ZCWPW2: variants seen among roughly 807,000 people sequenced by gnomAD.
The protein encoded by ZCWPW2 is zinc finger CW-type and PWWP domain containing 2, also known as zinc finger CW-type PWWP domain protein 2.
In ZCWPW2, 45 loss-of-function variants were observed where a neutral mutation model predicts 46.6. The ratio of observed to expected loss-of-function variants is 0.96; its 90% CI spans 0.76 to 1.24. The LOEUF is 1.24. Among genes scored for constraint, ZCWPW2 ranks in the 50% most tolerant of loss-of-function variants. The probability of loss-of-function intolerance (pLI) is 0.00; values close to 1 mark genes in which losing one functional copy is unlikely to be tolerated. For missense variants in ZCWPW2, 429 were observed against 403.9 expected, an observed-to-expected ratio of 1.06 and a Z score of -0.53; for synonymous variants, 152 against 137.1, an observed-to-expected ratio of 1.11 and a Z score of -0.76.
At chr3:28,496,974 A>C (rs1338804213) in intron 6 of ZCWPW2, among the ~76,000 whole-genome samples, 18 of 150,644 alleles carry the variant, frequency 1.2e-4, no homozygotes, top group Non-Finnish European at 5.9e-5. Context: ...GTTTATTTAT[A>C]TAAATACGTA....
At chr3:28,513,846 G>C (rs984762098) in intron 6 of ZCWPW2, among the ~76,000 whole-genome samples, 1 of 151,882 alleles carries the variant, frequency 6.6e-6, no homozygotes, top group South Asian at 2.1e-4. Context: ...TGGGAGGTAG[G>C]CATCCAAATC....
At chr3:28,498,083 T>C (rs1214829939) in intron 6 of ZCWPW2, among the ~76,000 whole-genome samples, 1 of 152,040 alleles carries the variant, frequency 6.6e-6, no homozygotes, top group African/African-American at 2.4e-5. Context: ...TTAATAGATA[T>C]AATAAATATC....
chr3:28,421,243 T>C lies in ZCWPW2; in HGVS notation c.332+7843T>C, dbSNP rs1220704758. Among the ~76,000 whole-genome samples, 4 of 152,138 alleles carry C rather than the reference T, an allele frequency of 2.6e-5. No homozygotes were observed. The East Asian group carries it at 7.8e-4, about 29-fold the overall frequency. On this transcript the variant is annotated intron_variant, in intron 3 of 9. Coordinates refer to ENST00000383768, the MANE Select transcript of ZCWPW2 (RefSeq NM_001040432.4). ...CACTCACAACTCTAGGTAGTAGGGG[T>C]AGGATGACCTTTTTATTGTTGCCAG... is the stretch of plus-strand genomic sequence containing the variant.
intron 3 of ZCWPW2, among the ~76,000 whole-genome samples, chr3:28,427,462 G>T (rs1697065014): frequency 6.6e-6 from 1 of 152,162 alleles, no homozygotes; most frequent in African/African-American, 2.4e-5. Context: ...CTGAGTCAGA[G>T]AATTTCCCTC....
At chr3:28,420,073 A>AT (rs564766331) in intron 3 of ZCWPW2, among the ~76,000 whole-genome samples, 214 of 141,040 alleles carry the variant, frequency 1.5e-3, no homozygotes, top group African/African-American at 4.7e-3. Context: ...CGAAAGTATA[A>AT]TTAAAAAAAA....
At chr3:28,370,246 G>A (rs928519932) in intron 1 of ZCWPW2, among the ~76,000 whole-genome samples, 9 of 152,150 alleles carry the variant, frequency 5.9e-5, no homozygotes, top group East Asian at 1.9e-4. Flanking sequence ...CTTCTGCATC[G>A]CTCACGCTGG....
intron 4 of ZCWPW2, among the ~76,000 whole-genome samples, chr3:28,462,629 A>T (rs1346489482): frequency 6.6e-6 from 1 of 152,198 alleles, no homozygotes; most frequent in East Asian, 1.9e-4. Context: ...CAAGTTTGAA[A>T]ATTAAGATTT....
Position 28,406,524 on chromosome 3 carries a change from A to C in ZCWPW2, c.-13-6532A>C, listed in dbSNP as rs144874136. On this transcript the variant is annotated intron_variant, in intron 2 of 9. Coordinates refer to ENST00000383768, the MANE Select transcript of ZCWPW2 (RefSeq NM_001040432.4). ...ACAACTACATCATGACTTTGAGAGGATATTGACTGGAAGATACAGTGTGGT... is the reference window on the plus strand; with the variant it reads ...ACAACTACATCATGACTTTGAGAGGCTATTGACTGGAAGATACAGTGTGGT... Among the ~76,000 whole-genome samples the C allele has an allele frequency of 1.1e-3, 160 of 152,264 alleles. 1 individual carries two copies. The East Asian group carries it at 0.018, about 17-fold the overall frequency.
intron 6 of ZCWPW2, among the ~76,000 whole-genome samples, chr3:28,494,830 T>G (rs1184601492): frequency 7.3e-6 from 1 of 137,720 alleles, no homozygotes; most frequent in African/African-American, 2.7e-5. Flanking sequence ...CATTCACAAT[T>G]GCTTCAAAGA....
At chr3:28,367,008 T>G (rs547625703) in intron 1 of ZCWPW2, among the ~76,000 whole-genome samples, 1 of 152,300 alleles carries the variant, frequency 6.6e-6, no homozygotes, top group Non-Finnish European at 1.5e-5. Context: ...TAACATTTTT[T>G]ATTGTTTCTA....
At chr3:28,417,116 AAAG>A (rs1210863378) in intron 3 of ZCWPW2, among the ~76,000 whole-genome samples, 1 of 150,904 alleles carries the variant, frequency 6.6e-6, no homozygotes, top group African/African-American at 2.4e-5. Flanking sequence ...GAAGACTAAT[AAAG>A]AAGAAAAGAC....
chr3:28,401,282 A>G (rs1235944777), intron 2 of ZCWPW2, among the ~76,000 whole-genome samples: 3 of 152,320 alleles, frequency 2.0e-5, no homozygotes, highest in East Asian at 1.9e-4. Flanking sequence ...GAATACTAAC[A>G]TTGAATGTAA....
intron 1 of ZCWPW2, among the ~76,000 whole-genome samples, chr3:28,362,706 A>G (rs1273278839): frequency 6.6e-6 from 1 of 152,176 alleles, no homozygotes; most frequent in Non-Finnish European, 1.5e-5. Context: ...TGTTTAACCT[A>G]GCAATCTCAT....
In ZCWPW2 at chr3:28,484,214, A is replaced by G. The variant is rs969280593; in HGVS notation, c.610+5283A>G. ...TTTTCTGTGATCTGCTTACATGGTCATGTGATTTTTCTTCTTTATGCTGTT... is the reference window on the plus strand; with the variant it reads ...TTTTCTGTGATCTGCTTACATGGTCGTGTGATTTTTCTTCTTTATGCTGTT... On this transcript the variant is annotated intron_variant, in intron 5 of 9. Transcript: ENST00000383768. Among the ~76,000 whole-genome samples the G allele has an allele frequency of 2.0e-5, 3 of 151,050 alleles. No homozygotes were observed. In the East Asian group the frequency reaches 5.8e-4, roughly 29 times the overall value.
intron 4 of ZCWPW2, among the ~76,000 whole-genome samples, chr3:28,451,952 C>T (rs1217331233): frequency 6.6e-6 from 1 of 152,218 alleles, no homozygotes; most frequent in African/African-American, 2.4e-5. Flanking sequence ...CCATAGTTGG[C>T]ATAAAATTTG....
At position 28,413,173 on chromosome 3, in the gene ZCWPW2, T is replaced by G. The variant is rs753659288; in HGVS notation, c.105T>G (p.Asn35Lys). ...ACAAAGTGTGGGTTCAATGTGAGAA[T>G]GAAAATTGTTTGAAATGGAGATTGT... ...YVNKVWVQCENENCLKWRLLS... is the reference protein window; with the variant it reads ...YVNKVWVQCEKENCLKWRLLS... Residue 35 changes from asparagine (N) to lysine (K), a missense_variant, in exon 3 of 10, where the codon AAT becomes AAG. Asn to Lys is a moderately conservative substitution (Grantham distance 94). Transcript: ENST00000383768. 3 of 1,613,398 alleles carry G rather than the reference T, an allele frequency of 1.9e-6. No individual in the cohort carries two copies. Among genetic ancestry groups the G allele is most frequent in the Non-Finnish European group, 2.5e-6 (3 of 1,179,540 alleles).
chr3:28,409,070 A>G (rs1017638532), intron 2 of ZCWPW2, among the ~76,000 whole-genome samples: 3 of 151,590 alleles, frequency 2.0e-5, no homozygotes, highest in African/African-American at 2.4e-5. Flanking sequence ...TTATTCATTC[A>G]CAAACACAGA....
chr3:28,521,613 A>AT (rs1700726710), intron 9 of ZCWPW2, among the ~76,000 whole-genome samples: 1 of 151,928 alleles, frequency 6.6e-6, no homozygotes, highest in South Asian at 2.1e-4. Flanking sequence ...TCCTTTTTTA[A>AT]TTTTTTCATT....
chr3:28,437,099 G>GA (rs1230878036), intron 4 of ZCWPW2, among the ~76,000 whole-genome samples: 1 of 152,044 alleles, frequency 6.6e-6, no homozygotes, highest in African/African-American at 2.4e-5. Context: ...CCCAACTTCA[G>GA]AAAAAAGGAC....
Sources: allele counts gnomAD v4.1 joint callset (sites outside exome capture counted in the v4.1 genomes callset), GRCh38; gene constraint gnomAD v4.1.1; transcripts MANE v1.5; gene names NCBI Gene and HGNC (gene_info 2026-07-23, HGNC 2026-07-21).